TIFAB: variants seen among roughly 807,000 people sequenced by gnomAD.
TIFAB encodes TIFA inhibitor, also known as TRAF-interacting protein with FHA domain-containing protein B.
For synonymous variants in TIFAB, 116 were observed against 95.2 expected, an observed-to-expected ratio of 1.22 and a Z score of -1.27; for missense variants, 222 against 203.6, an observed-to-expected ratio of 1.09 and a Z score of -0.55.
At position 135,447,026 on chromosome 5, in the gene TIFAB, C is replaced by T. The variant is rs754384816; in HGVS notation, c.*2428G>A. On this transcript the variant is annotated 3_prime_UTR_variant, in exon 2 of 2. Transcript: ENST00000537858. The stretch of plus-strand genomic sequence containing the variant: ...CTCTGGGGTTTCCCCACCAGCTCCT[C>T]TCTCCAGTCTTTGGTGTCCAGGTAC... 1 of 1,613,958 alleles carries T rather than the reference C, an allele frequency of 6.2e-7. No individual in the cohort carries two copies. Among genetic ancestry groups the T allele is most frequent in the South Asian group, 1.1e-5 (1 of 91,054 alleles).
Position 135,446,854 on chromosome 5 carries a change from T to G in TIFAB, c.*2600A>C. On this transcript the variant is annotated 3_prime_UTR_variant, in exon 2 of 2. Transcript: ENST00000537858. ...AGAGTCCCCTGTGGAGGAATTGAAC[T>G]GCCCCCTCTCGCAGGACCCCAGCTG... The G allele has an allele frequency of 6.2e-7, 1 of 1,613,928 alleles. No homozygotes were observed. Among genetic ancestry groups the G allele is most frequent in the Middle Eastern group, 1.7e-4 (1 of 6,060 alleles).
Position 135,447,212 on chromosome 5 carries a change from T to C in TIFAB, c.*2242A>G, listed in dbSNP as rs1580655187. Reference sequence around the variant, plus strand: ...GCCAGCCCTACCAGGGCATCTCCCATTATACTAACCCTGCCTATTGGACCT... The same window carrying C: ...GCCAGCCCTACCAGGGCATCTCCCACTATACTAACCCTGCCTATTGGACCT... On this transcript the variant is annotated 3_prime_UTR_variant, in exon 2 of 2. Transcript: ENST00000537858. 4.9e-6 allele frequency: 7 copies of C among 1,420,630 alleles called. No individual in the cohort carries two copies. Among genetic ancestry groups the C allele is most frequent in the African/African-American group, 2.8e-5 (2 of 71,046 alleles). 88.0% of individuals were successfully genotyped at this position (1,420,630 alleles called of 1,614,324 possible). A position where few individuals can be genotyped will look rare whatever the true frequency, so the allele number is the denominator to read the frequency against.
In TIFAB at chr5:135,446,204, T is replaced by C. The variant is rs1769255754; in HGVS notation, c.*3250A>G. 2 of 775,630 alleles carry C rather than the reference T, an allele frequency of 2.6e-6. No individual in the cohort carries two copies. The highest frequency in any genetic ancestry group is 3.5e-5 in the African/African-American group (2 of 57,436). The allele number at this position is 775,630 out of a possible 1,614,324, so 48.0% of individuals were successfully genotyped here. Reference sequence around the variant, plus strand: ...GAAACTGTGGCACGGAGAGATTCAGTTACTTGTCCAGGATCACAGAACTAT... The same window carrying C: ...GAAACTGTGGCACGGAGAGATTCAGCTACTTGTCCAGGATCACAGAACTAT... On this transcript the variant is annotated 3_prime_UTR_variant, in exon 2 of 2. Transcript: ENST00000537858.
At chr5:135,451,263 C>T (rs1769358436) in intron 1 of TIFAB, among the ~76,000 whole-genome samples, 1 of 152,214 alleles carries the variant, frequency 6.6e-6, no homozygotes, top group Admixed American at 6.5e-5. Context: ...GAGCCTGTTG[C>T]AGGTGGCTTG....
At position 135,449,888 on chromosome 5, in the gene TIFAB, C is replaced by G. The variant is rs560199155; in HGVS notation, c.52G>C (p.Gly18Arg). 1.9e-6 allele frequency: 3 copies of G among 1,567,428 alleles called. No homozygotes were observed. In the East Asian group the frequency reaches 6.8e-5, roughly 35 times the overall value. ...GGGACATTGGCAAAGGCAGATGGGCCCAGCGTGGGATGGTACAGGCTCACT... is the reference window on the plus strand; with the variant it reads ...GGGACATTGGCAAAGGCAGATGGGCGCAGCGTGGGATGGTACAGGCTCACT... ...LRVSLYHPTL[G>R]PSAFANVPPR... The change falls in exon 2 of 2, where the codon GGC becomes CGC. Residue 18 changes from glycine (G) to arginine (R), a missense_variant. By Grantham distance (125) the Gly-to-Arg change is moderately radical. Coordinates refer to ENST00000537858, the MANE Select transcript of TIFAB (RefSeq NM_001099221.2).
At position 135,449,110 on chromosome 5, in the gene TIFAB, C is replaced by T. The variant is rs1454316590; in HGVS notation, c.*344G>A. ...AATGCTGAGAGAGGCTCCCCAGAAC[C>T]CCTCAGGGCCTCTAAAAGTATATGA... On this transcript the variant is annotated 3_prime_UTR_variant, in exon 2 of 2. Transcript: ENST00000537858. The T allele has an allele frequency of 1.5e-5, 4 of 275,618 alleles. No individual in the cohort carries two copies. In the South Asian group the frequency reaches 1.9e-4, roughly 13 times the overall value. The allele number at this position is 275,618 out of a possible 1,614,324, so 17.1% of individuals were successfully genotyped here.
In TIFAB at chr5:135,448,107, C is replaced by T. The variant is rs147742943; in HGVS notation, c.*1347G>A. On this transcript the variant is annotated 3_prime_UTR_variant, in exon 2 of 2. Coordinates refer to ENST00000537858, the MANE Select transcript of TIFAB (RefSeq NM_001099221.2). Reference sequence around the variant, plus strand: ...CACACCAGGGCAAGCCTGGGTCTTGCCCACCTCTGTTTTCCTGATGGAGAA... The same window carrying T: ...CACACCAGGGCAAGCCTGGGTCTTGTCCACCTCTGTTTTCCTGATGGAGAA... The T allele has an allele frequency of 7.5e-4, 114 of 152,324 alleles. No individual in the cohort carries two copies. Among genetic ancestry groups the T allele is most frequent in the African/African-American group, 2.6e-3 (109 of 41,562 alleles). 9.4% of individuals were successfully genotyped at this position (152,324 alleles called of 1,614,324 possible).
Position 135,447,203 on chromosome 5 carries a change from C to T in TIFAB, c.*2251G>A. The T allele has an allele frequency of 6.7e-7, 1 of 1,502,104 alleles. No individual in the cohort carries two copies. The highest frequency in any genetic ancestry group is 9.2e-7 in the Non-Finnish European group (1 of 1,092,036). 93.0% of individuals were successfully genotyped at this position (1,502,104 alleles called of 1,614,324 possible). ...CTTCTCCTTGCCAGCCCTACCAGGG[C>T]ATCTCCCATTATACTAACCCTGCCT... On this transcript the variant is annotated 3_prime_UTR_variant, in exon 2 of 2. Transcript: ENST00000537858.
Position 135,445,558 on chromosome 5 carries a change from GC to G in TIFAB, c.*3895del, listed in dbSNP as rs1026654096. ...GGGGACTGCTGCCTTGACCACCAGAGCCCCCCCGTCTGTGCATCTGTCCTCT... is the reference window on the plus strand; with the variant it reads ...GGGGACTGCTGCCTTGACCACCAGAGCCCCCCGTCTGTGCATCTGTCCTCT... On this transcript the variant is annotated 3_prime_UTR_variant, in exon 2 of 2. Coordinates refer to ENST00000537858, the MANE Select transcript of TIFAB (RefSeq NM_001099221.2). 6.6e-5 allele frequency: 10 copies of G among 152,512 alleles called. No homozygotes were observed. In the South Asian group the frequency reaches 1.2e-3, roughly 19 times the overall value. 9.4% of individuals were successfully genotyped at this position (152,512 alleles called of 1,614,324 possible).
At position 135,446,751 on chromosome 5, in the gene TIFAB, T is replaced by C; in HGVS notation, c.*2703A>G. 6 of 1,613,982 alleles carry C rather than the reference T, an allele frequency of 3.7e-6. No homozygotes were observed. The highest frequency in any genetic ancestry group is 4.2e-6 in the Non-Finnish European group (5 of 1,179,872). ...GCTCCCTCCCGCCTGGTCTGGCCTG[T>C]CTTCCTTCTGCTGCTATGCAGTTCA... On this transcript the variant is annotated 3_prime_UTR_variant, in exon 2 of 2. Transcript: ENST00000537858.
chr5:135,446,518 C>T lies in TIFAB; in HGVS notation c.*2936G>A. 1 of 1,614,010 alleles carries T rather than the reference C, an allele frequency of 6.2e-7. No individual in the cohort carries two copies. Among genetic ancestry groups the T allele is most frequent in the South Asian group, 1.1e-5 (1 of 91,082 alleles). The stretch of plus-strand genomic sequence containing the variant: ...GCGAAGACCAGGCCCTGAAGCCAGC[C>T]TGACGGTTCCAGCTGTTAGGAGAAA... On this transcript the variant is annotated 3_prime_UTR_variant, in exon 2 of 2. Transcript: ENST00000537858.
Position 135,445,186 on chromosome 5 carries a change from C to G in TIFAB, c.*4268G>C, listed in dbSNP as rs184371845. On this transcript the variant is annotated 3_prime_UTR_variant, in exon 2 of 2. Coordinates refer to ENST00000537858, the MANE Select transcript of TIFAB (RefSeq NM_001099221.2). The stretch of plus-strand genomic sequence containing the variant: ...ACAGGAAGTGCTGACTGAGAACTGT[C>G]TCTCTGTGACATGCACCCTGTCAAA... 6.6e-6 allele frequency: 1 copy of G among 152,310 alleles called. No individual in the cohort carries two copies. The highest frequency in any genetic ancestry group is 2.4e-5 in the African/African-American group (1 of 41,560). The allele number at this position is 152,310 out of a possible 1,614,324, so 9.4% of individuals were successfully genotyped here.
chr5:135,447,202 G>C lies in TIFAB; in HGVS notation c.*2252C>G. The C allele has an allele frequency of 6.6e-7, 1 of 1,508,962 alleles. No homozygotes were observed. Among genetic ancestry groups the C allele is most frequent in the Non-Finnish European group, 9.1e-7 (1 of 1,097,878 alleles). The allele number at this position is 1,508,962 out of a possible 1,614,324, so 93.5% of individuals were successfully genotyped here. A position where few individuals can be genotyped will look rare whatever the true frequency, so the allele number is the denominator to read the frequency against. On this transcript the variant is annotated 3_prime_UTR_variant, in exon 2 of 2. Coordinates refer to ENST00000537858, the MANE Select transcript of TIFAB (RefSeq NM_001099221.2). ...TCTTCTCCTTGCCAGCCCTACCAGG[G>C]CATCTCCCATTATACTAACCCTGCC...
chr5:135,449,673 C>G lies in TIFAB; in HGVS notation c.267G>C (p.Leu89=). Residue 89 remains leucine, a synonymous_variant, in exon 2 of 2, where the codon CTG becomes CTC. Coordinates refer to ENST00000537858, the MANE Select transcript of TIFAB (RefSeq NM_001099221.2). ...SRKGCVWVNG[L]TLRYLEQVPL... ...GGACCTGCTCCAGGTACCTCAGCGT[C>G]AGCCCATTGACCCACACACAGCCCT... 6.2e-7 allele frequency: 1 copy of G among 1,614,178 alleles called. No homozygotes were observed. The highest frequency in any genetic ancestry group is 8.5e-7 in the Non-Finnish European group (1 of 1,180,048).
Position 135,446,524 on chromosome 5 carries a change from G to A in TIFAB, c.*2930C>T. On this transcript the variant is annotated 3_prime_UTR_variant, in exon 2 of 2. Coordinates refer to ENST00000537858, the MANE Select transcript of TIFAB (RefSeq NM_001099221.2). Reference sequence around the variant, plus strand: ...ACCAGGCCCTGAAGCCAGCCTGACGGTTCCAGCTGTTAGGAGAAAGTGAAG... The same window carrying A: ...ACCAGGCCCTGAAGCCAGCCTGACGATTCCAGCTGTTAGGAGAAAGTGAAG... The A allele has an allele frequency of 6.2e-7, 1 of 1,614,000 alleles. No individual in the cohort carries two copies. The highest frequency in any genetic ancestry group is 8.5e-7 in the Non-Finnish European group (1 of 1,179,890).
intron 1 of TIFAB, among the ~76,000 whole-genome samples, chr5:135,451,954 G>C (rs1161403732): frequency 2.0e-5 from 3 of 152,224 alleles, no homozygotes; most frequent in Non-Finnish European, 4.4e-5. Flanking sequence ...CAGTTGCTGT[G>C]TGGCCTTACT....
In TIFAB at chr5:135,446,530, G is replaced by A. The variant is rs754123924; in HGVS notation, c.*2924C>T. ...CCCTGAAGCCAGCCTGACGGTTCCAGCTGTTAGGAGAAAGTGAAGGTGGGT... is the reference window on the plus strand; with the variant it reads ...CCCTGAAGCCAGCCTGACGGTTCCAACTGTTAGGAGAAAGTGAAGGTGGGT... On this transcript the variant is annotated 3_prime_UTR_variant, in exon 2 of 2. Coordinates refer to ENST00000537858, the MANE Select transcript of TIFAB (RefSeq NM_001099221.2). 2 of 1,614,010 alleles carry A rather than the reference G, an allele frequency of 1.2e-6. No homozygotes were observed. Among genetic ancestry groups the A allele is most frequent in the South Asian group, 2.2e-5 (2 of 91,086 alleles).
At chr5:135,451,397 C>T (rs2150033969) in intron 1 of TIFAB, among the ~76,000 whole-genome samples, 1 of 152,266 alleles carries the variant, frequency 6.6e-6, no homozygotes, top group East Asian at 1.9e-4. Flanking sequence ...GGCCTGAGGG[C>T]ACCCCCTTTC....
Position 135,444,976 on chromosome 5 carries a change from G to C in TIFAB, c.*4478C>G, listed in dbSNP as rs1378347370. 1 of 152,674 alleles carries C rather than the reference G, an allele frequency of 6.5e-6. No homozygotes were observed. Among genetic ancestry groups the C allele is most frequent in the Non-Finnish European group, 1.5e-5 (1 of 68,436 alleles). 9.5% of individuals were successfully genotyped at this position (152,674 alleles called of 1,614,324 possible). On this transcript the variant is annotated 3_prime_UTR_variant, in exon 2 of 2. Coordinates refer to ENST00000537858, the MANE Select transcript of TIFAB (RefSeq NM_001099221.2). The stretch of plus-strand genomic sequence containing the variant: ...CGGGTGTTGCAAGTGGACGCGTCGG[G>C]GGTGGTCTGCACGGGCTGGCCTGCA...
Sources: allele counts gnomAD v4.1 joint callset (sites outside exome capture counted in the v4.1 genomes callset), GRCh38; gene constraint gnomAD v4.1.1; transcripts MANE v1.5; gene names NCBI Gene and HGNC (gene_info 2026-07-23, HGNC 2026-07-21).